CDK6: variants seen among roughly 807,000 people sequenced by gnomAD.
The protein encoded by CDK6 is cyclin-dependent kinase 6.
CDK6 carries 6 observed loss-of-function variants against 37.1 expected under a neutral mutation model. That is an observed-to-expected ratio of 0.16 (90% CI 0.09 to 0.32). The LOEUF is 0.32. CDK6 is among the 10% of genes least tolerant of loss of function. The pLI is 1.00. For synonymous variants in CDK6, 160 were observed against 161.3 expected, an observed-to-expected ratio of 0.99 and a Z score of 0.06; for missense variants, 224 against 418.9, an observed-to-expected ratio of 0.53 and a Z score of 4.06.
chr7:92,703,703 C>T (rs990275929), intron 4 of CDK6, among the ~76,000 whole-genome samples: 1 of 152,180 alleles, frequency 6.6e-6, no homozygotes, highest in South Asian at 2.1e-4. Flanking sequence ...GGATTACTTA[C>T]ATTTCTCTTT....
chr7:92,733,373 C>T (rs1477188714), intron 3 of CDK6, among the ~76,000 whole-genome samples: 1 of 152,204 alleles, frequency 6.6e-6, no homozygotes, highest in Non-Finnish European at 1.5e-5. Flanking sequence ...TCCAACATCA[C>T]TAGGATGCCC....
Position 92,834,233 on chromosome 7 carries a change from A to G in CDK6, c.-367-543T>C, listed in dbSNP as rs915520220. ...TGGGTGGGGGCTCCCAGGACCCTGT[A>G]ACCCGATGCTGGGAGTGTGCGAGAA... is the stretch of plus-strand genomic sequence containing the variant. On this transcript the variant is annotated intron_variant, in intron 1 of 7. Transcript: ENST00000424848. This position sits in a 1 kb window ranked among gnomAD's most constrained non-coding sequence, Gnocchi z 4.6. 6.6e-6 allele frequency among the ~76,000 whole-genome samples: 1 copy of G among 152,102 alleles called. No individual in the cohort carries two copies. The highest frequency in any genetic ancestry group is 1.5e-5 in the Non-Finnish European group (1 of 68,016).
intron 5 of CDK6, among the ~76,000 whole-genome samples, chr7:92,623,803 A>G (rs1795861935): frequency 6.6e-6 from 1 of 152,208 alleles, no homozygotes; most frequent in South Asian, 2.1e-4. Flanking sequence ...AGGTTTCCCT[A>G]TAAATCCCTG....
At chr7:92,615,856 C>G (rs1239710030) in intron 7 of CDK6, among the ~76,000 whole-genome samples, 1 of 152,202 alleles carries the variant, frequency 6.6e-6, no homozygotes, top group Non-Finnish European at 1.5e-5. Context: ...TTTGGCTGAG[C>G]TACTGAGGTA....
chr7:92,683,582 TCTC>T (rs1423267869), intron 4 of CDK6, among the ~76,000 whole-genome samples: 2 of 152,048 alleles, frequency 1.3e-5, no homozygotes, highest in African/African-American at 2.4e-5. Flanking sequence ...TGCAGTACGC[TCTC>T]CTCCTCAAAC....
At chr7:92,799,095 C>T (rs572342037) in intron 2 of CDK6, among the ~76,000 whole-genome samples, 56 of 152,278 alleles carry the variant, frequency 3.7e-4, no homozygotes, top group Middle Eastern at 3.4e-3. Flanking sequence ...TTAACTGTGC[C>T]TATCTCTATC....
intron 3 of CDK6, among the ~76,000 whole-genome samples, chr7:92,745,535 G>A (rs1166585045): frequency 6.6e-6 from 1 of 152,110 alleles, no homozygotes; most frequent in East Asian, 1.9e-4. Context: ...AATGTGTTCT[G>A]TTTTCAAAGG....
rs114545544 is a variant in CDK6 at position 92,660,405 on chromosome 7, T to C, written c.647+11021A>G. ...AGCAAGGGTTCTAAGGAGAAAAACT[T>C]TGAGGCATGTTTTGGGGCCAAAAGG... On this transcript the variant is annotated intron_variant, in intron 5 of 7. Transcript: ENST00000424848. Among the ~76,000 whole-genome samples, 765 of 152,228 alleles carry C rather than the reference T, an allele frequency of 5.0e-3. 11 individuals carry two copies. Among genetic ancestry groups the C allele is most frequent in the African/African-American group, 0.016 (657 of 41,546 alleles).
At chr7:92,762,382 A>C (rs577101203) in intron 3 of CDK6, among the ~76,000 whole-genome samples, 2 of 151,318 alleles carry the variant, frequency 1.3e-5, no homozygotes. Context: ...TAGAGGAAGG[A>C]AGCAGAGGGA....
At chr7:92,676,023 T>C (rs1797195223) in intron 4 of CDK6, among the ~76,000 whole-genome samples, 1 of 152,078 alleles carries the variant, frequency 6.6e-6, no homozygotes, top group Admixed American at 6.5e-5. Flanking sequence ...AAAACTGACA[T>C]AATTTTATTT....
intron 5 of CDK6, among the ~76,000 whole-genome samples, chr7:92,666,898 G>GTTAACTGTACAACAGTCT (rs1317536214): frequency 1.3e-5 from 2 of 152,136 alleles, no homozygotes; most frequent in Non-Finnish European, 2.9e-5. Context: ...ATAAAAAGAA[G>GTTAACTGTACAACAGTCT]TTAACTGTAC....
chr7:92,716,961 T>C (rs926701815), intron 4 of CDK6, among the ~76,000 whole-genome samples: 1 of 152,188 alleles, frequency 6.6e-6, no homozygotes, highest in African/African-American at 2.4e-5. Flanking sequence ...CTGAAGCATA[T>C]GGTCTCATTA....
At chr7:92,700,102 C>A (rs1036574654) in intron 4 of CDK6, among the ~76,000 whole-genome samples, 4 of 151,890 alleles carry the variant, frequency 2.6e-5, no homozygotes, top group Non-Finnish European at 4.4e-5. Flanking sequence ...GAGGCTTCAG[C>A]GAGGAGGGGC....
At chr7:92,677,902 A>G (rs1797243328) in intron 4 of CDK6, among the ~76,000 whole-genome samples, 1 of 152,228 alleles carries the variant, frequency 6.6e-6, no homozygotes, top group Non-Finnish European at 1.5e-5. Context: ...AATTGCAACA[A>G]ATTTTCCTGA....
At chr7:92,650,586 G>C (rs1354052511) in intron 5 of CDK6, among the ~76,000 whole-genome samples, 1 of 152,174 alleles carries the variant, frequency 6.6e-6, no homozygotes, top group East Asian at 1.9e-4. Flanking sequence ...CTGGTTCTCT[G>C]TTAGAGTTGT....
chr7:92,679,747 G>A (rs1797289153), intron 4 of CDK6, among the ~76,000 whole-genome samples: 1 of 151,734 alleles, frequency 6.6e-6, no homozygotes, highest in South Asian at 2.1e-4. Flanking sequence ...TCGAGACAGA[G>A]TGTCACTCTA....
intron 4 of CDK6, among the ~76,000 whole-genome samples, chr7:92,687,135 T>C (rs1471998046): frequency 2.0e-5 from 3 of 152,242 alleles, no homozygotes; most frequent in Admixed American, 6.5e-5. Context: ...GGCCTCGTGA[T>C]ACCCTCTGTG....
chr7:92,823,784 A>G (rs1210918598), intron 2 of CDK6, among the ~76,000 whole-genome samples: 1 of 152,056 alleles, frequency 6.6e-6, no homozygotes, highest in Non-Finnish European at 1.5e-5. Context: ...CTTTTAAACT[A>G]AAGTTTAAAA....
chr7:92,633,919 A>C (rs1165897470), intron 5 of CDK6, among the ~76,000 whole-genome samples: 1 of 152,114 alleles, frequency 6.6e-6, no homozygotes, highest in African/African-American at 2.4e-5. Flanking sequence ...TTTCCAATTA[A>C]TTTTAAGAGC....
Sources: gnomAD v4.1 joint callset for allele counts (sites outside exome capture counted in the v4.1 genomes callset) on GRCh38, gnomAD v4.1.1 for gene constraint, Gnocchi (gnomAD v3.1) non-coding constraint, MANE v1.5 for transcripts, NCBI Gene and HGNC (gene_info 2026-07-23, HGNC 2026-07-21) for gene names.